Variants in ZNF385D observed in about 807,000 individuals in gnomAD.
The protein encoded by ZNF385D is zinc finger protein 659.
ZNF385D carries 15 observed loss-of-function variants against 35.8 expected under a neutral mutation model. The observed-to-expected ratio is 0.42, with a 90% CI of 0.28 to 0.64. The LOEUF (loss-of-function observed/expected upper bound fraction) is 0.64. Among genes scored for constraint, ZNF385D ranks in the 30% least tolerant of loss-of-function variants. The probability of loss-of-function intolerance (pLI) is 0.23; values close to 1 mark genes in which losing one functional copy is unlikely to be tolerated. For synonymous variants in ZNF385D, 212 were observed against 186.8 expected (o/e 1.13, Z -1.10); for missense variants, 474 against 494.6 (o/e 0.96, Z 0.39).
chr3:21,612,993 CTTTTTTT>C lies in ZNF385D; in HGVS notation c.166-48316_166-48310del, dbSNP rs11336822. Among the ~76,000 whole-genome samples the C allele has an allele frequency of 9.0e-4, 124 of 137,288 alleles. 3 individuals are homozygous for C. In the South Asian group the frequency reaches 0.012, roughly 13 times the overall value. The allele number at this position is 137,288 out of a possible 152,430, so 90.1% of individuals were successfully genotyped here. On this transcript the variant is annotated intron_variant, in intron 2 of 7. Coordinates refer to ENST00000281523, the MANE Select transcript of ZNF385D (RefSeq NM_024697.3). Reference sequence around the variant, plus strand: ...TCATGCAACATCTTTTTTCTTTTTTCTTTTTTTTTTTTTTTCAAAACCAGGGTACTAA... The same window carrying C: ...TCATGCAACATCTTTTTTCTTTTTTCTTTTTTTTCAAAACCAGGGTACTAA...
At chr3:22,249,227 C>G (rs1323651222) in intron 2 of ZNF385D, among the ~76,000 whole-genome samples, 1 of 152,102 alleles carries the variant, frequency 6.6e-6, no homozygotes, top group African/African-American at 2.4e-5. Flanking sequence ...TCTTATACCA[C>G]TAAGTTTTGG....
At chr3:22,010,610 T>A (rs35723411) in intron 3 of ZNF385D, among the ~76,000 whole-genome samples, 18,329 of 152,130 alleles carry the variant, frequency 0.12, 1,276 homozygotes, top group South Asian at 0.26. Context: ...CTAAGACTCT[T>A]CTGATTGTCT....
At chr3:22,160,224 G>A (rs1312108294) in intron 3 of ZNF385D, among the ~76,000 whole-genome samples, 1 of 151,964 alleles carries the variant, frequency 6.6e-6, no homozygotes, top group Non-Finnish European at 1.5e-5. Flanking sequence ...TATGAAAATG[G>A]ACTAATACAT....
intron 1 of ZNF385D, among the ~76,000 whole-genome samples, chr3:21,717,058 G>A (rs2068351638): frequency 6.6e-6 from 1 of 152,168 alleles, no homozygotes; most frequent in South Asian, 2.1e-4. Context: ...GCTTGAACCT[G>A]AGAGGTGGAG....
intron 3 of ZNF385D, among the ~76,000 whole-genome samples, chr3:21,973,466 T>A (rs546617340): frequency 6.6e-5 from 10 of 152,018 alleles, no homozygotes; most frequent in Non-Finnish European, 1.5e-4. Flanking sequence ...AGTATCATAT[T>A]GAACAGGGAA....
intron 3 of ZNF385D, among the ~76,000 whole-genome samples, chr3:22,106,543 C>A (rs1419413436): frequency 2.0e-5 from 3 of 152,126 alleles, no homozygotes; most frequent in Non-Finnish European, 4.4e-5. Flanking sequence ...ACTTTAGCTC[C>A]TGGGCATCTG....
At chr3:21,690,204 TG>T (rs2067236734) in intron 1 of ZNF385D, among the ~76,000 whole-genome samples, 5 of 152,310 alleles carry the variant, frequency 3.3e-5, no homozygotes, top group East Asian at 3.9e-4. Context: ...TGTTTGTGTG[TG>T]TGCATATATA....
chr3:21,806,038 T>C (rs1190241460), intron 3 of ZNF385D, among the ~76,000 whole-genome samples: 1 of 152,106 alleles, frequency 6.6e-6, no homozygotes, highest in Non-Finnish European at 1.5e-5. Flanking sequence ...TACAGCCTTG[T>C]TCTCATTTGC....
intron 2 of ZNF385D, among the ~76,000 whole-genome samples, chr3:22,197,881 T>C (rs1696525563): frequency 6.6e-6 from 1 of 152,132 alleles, no homozygotes; most frequent in African/African-American, 2.4e-5. Flanking sequence ...TTTCCTTTAT[T>C]GTGCTCAGAC....
intron 3 of ZNF385D, among the ~76,000 whole-genome samples, chr3:22,142,714 A>G (rs1227271386): frequency 6.6e-6 from 1 of 152,106 alleles, no homozygotes; most frequent in Non-Finnish European, 1.5e-5. Flanking sequence ...AAGACGAATG[A>G]GATCAATGAG....
chr3:21,820,309 A>T (rs1451218378), intron 3 of ZNF385D, among the ~76,000 whole-genome samples: 1 of 151,822 alleles, frequency 6.6e-6, no homozygotes, highest in Admixed American at 6.6e-5. Flanking sequence ...AATGGAGATA[A>T]ATAAAAAGAA....
At chr3:21,487,578 A>G (rs1228445602) in intron 4 of ZNF385D, among the ~76,000 whole-genome samples, 1 of 152,134 alleles carries the variant, frequency 6.6e-6, no homozygotes, top group East Asian at 1.9e-4. Context: ...TAACATTAAT[A>G]TAGTCATAAA....
At chr3:21,638,205 C>G (rs577912842) in intron 2 of ZNF385D, among the ~76,000 whole-genome samples, 3 of 152,130 alleles carry the variant, frequency 2.0e-5, no homozygotes, top group African/African-American at 7.2e-5. Context: ...ATGCAATATA[C>G]AGTTGAGACA....
chr3:22,220,901 A>G lies in ZNF385D; in HGVS notation c.107-51866T>C, dbSNP rs75294582. Among the ~76,000 whole-genome samples the G allele has an allele frequency of 4.8e-3, 736 of 152,266 alleles. 10 individuals are homozygous for G. Among genetic ancestry groups the G allele is most frequent in the African/African-American group, 0.017 (689 of 41,556 alleles). The stretch of plus-strand genomic sequence containing the variant: ...AAAGTATGATATACTTATATTCCCT[A>G]AAGACTTTACCTGAAAAATGCTTTT... On this transcript the variant is annotated intron_variant, in intron 2 of 5. Coordinates refer to the ZNF385D transcript ENST00000494108.
intron 2 of ZNF385D, among the ~76,000 whole-genome samples, chr3:21,625,639 T>C (rs1200163408): frequency 6.6e-6 from 1 of 152,112 alleles, no homozygotes; most frequent in Non-Finnish European, 1.5e-5. Context: ...AGAACTTACT[T>C]TTTTGCCATT....
chr3:22,156,922 G>T (rs1486266128), intron 3 of ZNF385D, among the ~76,000 whole-genome samples: 1 of 152,074 alleles, frequency 6.6e-6, no homozygotes, highest in African/African-American at 2.4e-5. Flanking sequence ...GCTTCTCAAA[G>T]ATAATCTATC....
At chr3:21,667,997 C>T (rs938519465) in intron 1 of ZNF385D, among the ~76,000 whole-genome samples, 1 of 152,136 alleles carries the variant, frequency 6.6e-6, no homozygotes, top group African/African-American at 2.4e-5. Context: ...CTCTTCTCAC[C>T]TGTTGGAAGA....
At chr3:21,466,117 C>G (rs1426752662) in intron 4 of ZNF385D, among the ~76,000 whole-genome samples, 1 of 152,158 alleles carries the variant, frequency 6.6e-6, no homozygotes, top group African/African-American at 2.4e-5. Flanking sequence ...CAAATAATGT[C>G]TTCACATCTT....
intron 3 of ZNF385D, among the ~76,000 whole-genome samples, chr3:21,782,395 G>A (rs1181469998): frequency 1.3e-5 from 2 of 152,082 alleles, no homozygotes; most frequent in Non-Finnish European, 2.9e-5. Flanking sequence ...TATAAATTAG[G>A]AAACTGAGGC....
Sources: allele counts gnomAD v4.1 joint callset (sites outside exome capture counted in the v4.1 genomes callset), GRCh38; gene constraint gnomAD v4.1.1; transcripts MANE v1.5; gene names NCBI Gene and HGNC (gene_info 2026-07-23, HGNC 2026-07-21).